IRF5: variants seen among roughly 807,000 people sequenced by gnomAD.
IRF5 encodes the protein interferon regulatory factor 5.
In IRF5, 24 loss-of-function variants were observed where a neutral mutation model predicts 55.1. The ratio of observed to expected loss-of-function variants is 0.44; its 90% CI spans 0.32 to 0.61. IRF5 has a LOEUF of 0.61. Ranked by LOEUF, IRF5 falls within the 20% of genes least tolerant of loss-of-function variation. The pLI is 0.07. For synonymous variants in IRF5, 258 were observed against 260.2 expected (o/e 0.99, Z 0.08); for missense variants, 499 against 658.5 (o/e 0.76, Z 2.65).
At position 128,942,128 on chromosome 7, in the gene IRF5, G is replaced by A. The variant is rs1292749792; in HGVS notation, c.47G>A (p.Arg16Gln). 3.7e-6 allele frequency: 6 copies of A among 1,612,960 alleles called. No homozygotes were observed. The highest frequency in any genetic ancestry group is 1.7e-5 in the Admixed American group (1 of 59,992). Residue 16 changes from arginine (R) to glutamine (Q), a missense_variant, in exon 2 of 9, where the codon CGG (arginine) becomes CAG (glutamine). By Grantham distance (43) the Arg-to-Gln change is conservative. Transcript: ENST00000357234. ...GCTCCCACCCCACCCCGCCGCGTGC[G>A]GCTGAAGCCCTGGCTGGTGGCCCAG... ...PVAPTPPRRV[R>Q]LKPWLVAQVN...
intron 1 of IRF5, among the ~76,000 whole-genome samples, chr7:128,941,719 C>T (rs926182034): frequency 2.0e-5 from 3 of 152,132 alleles, no homozygotes; most frequent in Non-Finnish European, 4.4e-5. Context: ...GTGGGCTGCC[C>T]CCCAAGAGCA....
chr7:128,945,140 G>T (rs898644431), intron 2 of IRF5, among the ~76,000 whole-genome samples: 13 of 152,100 alleles, frequency 8.5e-5, no homozygotes, highest in Non-Finnish European at 1.9e-4. Flanking sequence ...TTGAGATAGG[G>T]TATCACTCTG....
chr7:128,941,933 C>G (rs1796044771), intron 1 of IRF5, 138 bp from the exon 2 acceptor site: 2 of 592,138 alleles, frequency 3.4e-6, no homozygotes, highest in Non-Finnish European at 5.7e-6. Context: ...AAAGCTGATG[C>G]TTGGAAAAGA....
At position 128,946,420 on chromosome 7, in the gene IRF5, A is replaced by G; in HGVS notation, c.386-81A>G. ...GGAAGGCAGAAGCTGCATAGGAGCTACAGGCAGCCTCTCAGGGGATCTTGC... is the reference window on the plus strand; with the variant it reads ...GGAAGGCAGAAGCTGCATAGGAGCTGCAGGCAGCCTCTCAGGGGATCTTGC... On this transcript the variant is annotated intron_variant, in intron 3 of 8. Coordinates refer to ENST00000357234, the MANE Select transcript of IRF5 (RefSeq NM_001098629.3). This position sits in a 1 kb window ranked among gnomAD's most constrained non-coding sequence, Gnocchi z 4.2. 6.6e-7 allele frequency: 1 copy of G among 1,510,146 alleles called. No homozygotes were observed. The highest frequency in any genetic ancestry group is 9.0e-7 in the Non-Finnish European group (1 of 1,112,378). 93.5% of individuals were successfully genotyped at this position (1,510,146 alleles called of 1,614,324 possible). A position where few individuals can be genotyped will look rare whatever the true frequency, so the allele number is the denominator to read the frequency against.
rs748513366 is a variant in IRF5 at position 128,947,259 on chromosome 7, C to A, written c.511C>A (p.Pro171Thr). 1.2e-6 allele frequency: 2 copies of A among 1,610,060 alleles called. No individual in the cohort carries two copies. The highest frequency in any genetic ancestry group is 1.3e-5 in the African/African-American group (1 of 74,814). ...DAVQSGPHMT[P>T]YSLLKEDVKW... is the part of the protein sequence containing the mutation. ...AGTGCAGTCTGGCCCCCACATGACACCCTATTCTTTACTCAAAGAGGATGT... is the reference window on the plus strand; with the variant it reads ...AGTGCAGTCTGGCCCCCACATGACAACCTATTCTTTACTCAAAGAGGATGT... The change falls in exon 6 of 9, where the codon CCC becomes ACC. Residue 171 changes from proline (P) to threonine (T), a missense_variant. Transcript: ENST00000357234. This position sits in a 1 kb window ranked among gnomAD's most constrained non-coding sequence, Gnocchi z 6.5.
At position 128,946,157 on chromosome 7, in the gene IRF5, T is replaced by TGC; in HGVS notation, c.385+125_385+126dup. 1 of 946,154 alleles carries TGC rather than the reference T, an allele frequency of 1.1e-6. No individual in the cohort carries two copies. Among genetic ancestry groups the TGC allele is most frequent in the Non-Finnish European group, 1.5e-6 (1 of 654,368 alleles). 58.6% of individuals were successfully genotyped at this position (946,154 alleles called of 1,614,324 possible). A position where few individuals can be genotyped will look rare whatever the true frequency, so the allele number is the denominator to read the frequency against. ...TAGCAGGCAGTGGTCCAGGAAACGA[T>TGC]GCGGGGGCTCCCGCTAGGTCATGAC... On this transcript the variant is annotated intron_variant, in intron 3 of 8. Transcript: ENST00000357234. The surrounding 1 kb of genome is among the most constrained non-coding windows in gnomAD (Gnocchi z 4.2).
chr7:128,939,466 G>T (rs1242008360), intron 1 of IRF5, among the ~76,000 whole-genome samples: 1 of 152,146 alleles, frequency 6.6e-6, no homozygotes, highest in Non-Finnish European at 1.5e-5. Flanking sequence ...ACCCGGAGGG[G>T]TGGGATTTGG....
intron 2 of IRF5, among the ~76,000 whole-genome samples, chr7:128,943,508 G>A (rs1327421637): frequency 4.7e-5 from 7 of 150,230 alleles, no homozygotes; most frequent in Admixed American, 1.3e-4. Flanking sequence ...CTGAGTAGCC[G>A]TGACTACAGG....
At chr7:128,937,040 T>C (rs541329227), upstream of IRF5, among the ~76,000 whole-genome samples, 146 of 152,308 alleles carry the variant, frequency 9.6e-4, no homozygotes, top group African/African-American at 3.3e-3. Flanking sequence ...GTCTCAGTGA[T>C]AGGCTTTCTG....
chr7:128,947,895 T>C lies in IRF5; in HGVS notation c.954T>C (p.Pro318=). ...ISLEQVRFPS[P]EDIPSDKQRF... is the part of the protein sequence containing the mutation. Reference sequence around the variant, plus strand: ...TGGAGCAAGTGCGCTTCCCCAGCCCTGAGGACATCCCCAGTGACAAGCAGC... The same window carrying C: ...TGGAGCAAGTGCGCTTCCCCAGCCCCGAGGACATCCCCAGTGACAAGCAGC... Residue 318 remains proline, a synonymous_variant, in exon 7 of 9, where the codon CCT becomes CCC. Coordinates refer to ENST00000357234, the MANE Select transcript of IRF5 (RefSeq NM_001098629.3). The surrounding 1 kb of genome is among the most constrained non-coding windows in gnomAD (Gnocchi z 6.5). The C allele has an allele frequency of 6.2e-7, 1 of 1,614,098 alleles. No individual in the cohort carries two copies. The highest frequency in any genetic ancestry group is 8.5e-7 in the Non-Finnish European group (1 of 1,179,998).
At position 128,942,202 on chromosome 7, in the gene IRF5, A is replaced by C. The variant is rs777003579; in HGVS notation, c.121A>C (p.Lys41Gln). The C allele has an allele frequency of 7.6e-5, 122 of 1,613,988 alleles. 1 individual carries two copies. The highest frequency in any genetic ancestry group is 9.2e-5 in the Non-Finnish European group (109 of 1,180,000). The stretch of plus-strand genomic sequence containing the variant: ...GCTTCAATGGGTCAACGGGGAAAAG[A>C]AATTATTCTGCATCCCCTGGAGGCA... ...PGLQWVNGEK[K>Q]LFCIPWRHAT... The change falls in exon 2 of 9, where the codon AAA becomes CAA. Residue 41 changes from lysine (K) to glutamine (Q), a missense_variant. Coordinates refer to ENST00000357234, the MANE Select transcript of IRF5 (RefSeq NM_001098629.3).
At position 128,948,554 on chromosome 7, in the gene IRF5, TCTC is replaced by T. The variant is rs1796456132; in HGVS notation, c.1300-15_1300-13del. On this transcript the variant is annotated splice_polypyrimidine_tract_variant and intron_variant, in intron 8 of 8. Coordinates refer to ENST00000357234, the MANE Select transcript of IRF5 (RefSeq NM_001098629.3). The surrounding 1 kb of genome is among the most constrained non-coding windows in gnomAD (Gnocchi z 4.6). ...CCCTGCCACAGGTCTCCCTGTCTCA[TCTC>T]CTCTTTGCCTCCCAGGTGGTGCCTG... is the stretch of plus-strand genomic sequence containing the variant. 3 of 1,612,604 alleles carry T rather than the reference TCTC, an allele frequency of 1.9e-6. No individual in the cohort carries two copies. Among genetic ancestry groups the T allele is most frequent in the Non-Finnish European group, 2.5e-6 (3 of 1,179,856 alleles).
intron 1 of IRF5, among the ~76,000 whole-genome samples, chr7:128,938,656 G>C (rs1207493987): frequency 1.3e-5 from 2 of 152,174 alleles, no homozygotes; most frequent in African/African-American, 4.8e-5. Flanking sequence ...GCTCGCGGCC[G>C]GGAATGGCAG....
chr7:128,943,398 AGTT>A (rs1796136465), intron 2 of IRF5, among the ~76,000 whole-genome samples: 1 of 140,690 alleles, frequency 7.1e-6, no homozygotes, highest in South Asian at 2.2e-4. Context: ...TTTTGAGATG[AGTT>A]GTTGCTCTGT....
At chr7:128,941,564 GAAA>G (rs1192047302) in intron 1 of IRF5, 1 of 152,600 alleles carries the variant, frequency 6.6e-6, no homozygotes, top group African/African-American at 2.4e-5. Flanking sequence ...TGGAGGGTGA[GAAA>G]ACTTGGGCAG....
Position 128,945,065 on chromosome 7 carries a change from C to T in IRF5, c.196-780C>T, listed in dbSNP as rs530590535. On this transcript the variant is annotated intron_variant, in intron 2 of 8. Coordinates refer to ENST00000357234, the MANE Select transcript of IRF5 (RefSeq NM_001098629.3). The stretch of plus-strand genomic sequence containing the variant: ...AATAATACCAACAGCTCCAGTGTCT[C>T]GAGCCTGTCCTATGTGCAGGTTTAG... Among the ~76,000 whole-genome samples, 9 of 152,296 alleles carry T rather than the reference C, an allele frequency of 5.9e-5. No homozygotes were observed. The South Asian group carries it at 6.2e-4, about 11-fold the overall frequency.
At chr7:128,938,307 C>T (rs573927804) in intron 1 of IRF5, 2 of 152,426 alleles carry the variant, frequency 1.3e-5, no homozygotes, top group African/African-American at 4.8e-5. Context: ...CTCCCACGCC[C>T]CGATCGGTTT....
chr7:128,942,377 C>T lies in IRF5; in HGVS notation c.195+101C>T, dbSNP rs1373160632. 26 of 997,660 alleles carry T rather than the reference C, an allele frequency of 2.6e-5. 1 individual carries two copies. Among genetic ancestry groups the T allele is most frequent in the East Asian group, 1.9e-4 (7 of 37,314 alleles). The allele number at this position is 997,660 out of a possible 1,614,324, so 61.8% of individuals were successfully genotyped here. A position where few individuals can be genotyped will look rare whatever the true frequency, so the allele number is the denominator to read the frequency against. ...AGGCAGCTCCTCGAGGCTGGCCACC[C>T]GCCCAGCTACCATGCTGCTGCTGAT... On this transcript the variant is annotated intron_variant, in intron 2 of 8. Transcript: ENST00000357234.
intron 2 of IRF5, among the ~76,000 whole-genome samples, chr7:128,944,133 G>C (rs1796183858): frequency 6.6e-6 from 1 of 152,174 alleles, no homozygotes; most frequent in Admixed American, 6.5e-5. Context: ...TTATAGCCTG[G>C]ATTTTTTTCA....
Sources: gnomAD v4.1 joint callset for allele counts (sites outside exome capture counted in the v4.1 genomes callset) on GRCh38, gnomAD v4.1.1 for gene constraint, Gnocchi (gnomAD v3.1) non-coding constraint, MANE v1.5 for transcripts, NCBI Gene and HGNC (gene_info 2026-07-23, HGNC 2026-07-21) for gene names.